Variants in RCBTB2 observed in about 807,000 individuals in gnomAD.
RCBTB2 encodes the protein RCC1 and BTB domain containing protein 2.
A neutral mutation model predicts 65.4 loss-of-function variants in RCBTB2; 55 were observed. That is an observed-to-expected ratio of 0.84 (90% CI 0.68 to 1.05). The LOEUF (loss-of-function observed/expected upper bound fraction) is 1.05. Ranked by LOEUF, RCBTB2 falls within the 50% of genes least tolerant of loss-of-function variation. The probability of loss-of-function intolerance (pLI) is 0.00; values close to 1 mark genes in which losing one functional copy is unlikely to be tolerated. For missense variants in RCBTB2, 599 were observed against 680.1 expected, an observed-to-expected ratio of 0.88 and a Z score of 1.33; for synonymous variants, 220 against 255.2, an observed-to-expected ratio of 0.86 and a Z score of 1.31.
At chr13:48,512,929 C>A in intron 6 of RCBTB2, 34 bp from the exon 7 acceptor site, 1 of 1,565,060 alleles carries the variant, frequency 6.4e-7, no homozygotes, top group Non-Finnish European at 8.8e-7. Context: ...CAGTTTTTTA[C>A]AACATCTACT....
upstream of RCBTB2, chr13:48,535,598 C>A: frequency 2.2e-6 from 1 of 452,434 alleles, no homozygotes; most frequent in Non-Finnish European, 4.5e-6. Context: ...GCTTTTGCCC[C>A]TACCCCTCCA....
chr13:48,497,394 G>A (rs1017357186), intron 13 of RCBTB2, among the ~76,000 whole-genome samples: 36 of 152,282 alleles, frequency 2.4e-4, no homozygotes, highest in African/African-American at 8.2e-4. Context: ...TGGGTGAGGT[G>A]ACATATGTAA....
At chr13:48,526,637 G>A (rs1177219091) in intron 1 of RCBTB2, among the ~76,000 whole-genome samples, 1 of 152,122 alleles carries the variant, frequency 6.6e-6, no homozygotes, top group African/African-American at 2.4e-5. Context: ...AAAATAGCCT[G>A]GGCGCGGTGG....
At chr13:48,533,372 G>C (rs1004689504), upstream of RCBTB2, 1 of 262,144 alleles carries the variant, frequency 3.8e-6, no homozygotes, top group Non-Finnish European at 7.6e-6. Flanking sequence ...CCTTCTCCAG[G>C]GTTATGTTCT....
In RCBTB2 at chr13:48,501,736, C is replaced by T; in HGVS notation, c.1244+6G>A. 1 of 1,607,164 alleles carries T rather than the reference C, an allele frequency of 6.2e-7. No individual in the cohort carries two copies. The highest frequency in any genetic ancestry group is 1.1e-5 in the South Asian group (1 of 90,398). On this transcript the variant is annotated splice_donor_region_variant and intron_variant, in intron 12 of 14. Coordinates refer to ENST00000344532, the MANE Select transcript of RCBTB2 (RefSeq NM_001268.4). ...TTTCTCAATTCTCAAATAAATGATT[C>T]CTTACCGAATCTTGAGAAGGACTTT...
chr13:48,501,968 A>G, intron 11 of RCBTB2, 100 bp from the exon 12 acceptor site: 1 of 957,520 alleles, frequency 1.0e-6, no homozygotes, highest in South Asian at 2.2e-5. Context: ...GAAAGTACCA[A>G]TTCCTCAAAA....
intron 1 of RCBTB2, among the ~76,000 whole-genome samples, chr13:48,526,529 T>C (rs1019234515): frequency 6.6e-6 from 1 of 151,250 alleles, no homozygotes; most frequent in Non-Finnish European, 1.5e-5. Context: ...AGATCTTATC[T>C]CAAAAAATAA....
rs749770514 is a variant in RCBTB2, at chr13:48,496,336, T to C, written c.1385-15A>G. The C allele has an allele frequency of 6.5e-7, 1 of 1,534,590 alleles. No individual in the cohort carries two copies. The highest frequency in any genetic ancestry group is 8.8e-7 in the Non-Finnish European group (1 of 1,140,282). ...GTCTAGCAGTCCTGGCGGAAAGAGGTGTTTATTAGGGGGAGTGATTTCAAG... is the reference window on the plus strand; with the variant it reads ...GTCTAGCAGTCCTGGCGGAAAGAGGCGTTTATTAGGGGGAGTGATTTCAAG... On this transcript the variant is annotated splice_polypyrimidine_tract_variant and intron_variant, in intron 13 of 14. Transcript: ENST00000344532.
At chr13:48,491,299 ATTTT>A (rs1949688753) in intron 14 of RCBTB2, among the ~76,000 whole-genome samples, 1 of 152,114 alleles carries the variant, frequency 6.6e-6, no homozygotes, top group African/African-American at 2.4e-5. Context: ...CCTACGGTAC[ATTTT>A]CTTTTAAGAA....
At chr13:48,504,719 G>A (rs774756001) in intron 10 of RCBTB2, among the ~76,000 whole-genome samples, 2 of 152,192 alleles carry the variant, frequency 1.3e-5, no homozygotes, top group Non-Finnish European at 2.9e-5. Context: ...ACTGACTGAG[G>A]AAGACTCAAC....
rs193247728 is a variant in RCBTB2 at position 48,505,789 on chromosome 13, T to C, written c.927-2875A>G. ...AAAAAAAAGATGAGGGGGAACAGGA[T>C]ACAGGCAGCAATCCTCTCACGGTTT... On this transcript the variant is annotated intron_variant, in intron 10 of 14. Coordinates refer to ENST00000344532, the MANE Select transcript of RCBTB2 (RefSeq NM_001268.4). Among the ~76,000 whole-genome samples the C allele has an allele frequency of 1.4e-4, 22 of 152,286 alleles. No individual in the cohort carries two copies. In the East Asian group the frequency reaches 4.2e-3, roughly 29 times the overall value.
Position 48,501,841 on chromosome 13 carries a change from T to A in RCBTB2, c.1145A>T (p.Glu382Val). Reference protein sequence around the residue: ...VEPDDHLTVAESLKREFDNPD... With the variant: ...VEPDDHLTVAVSLKREFDNPD... Reference sequence around the variant, plus strand: ...GTTGTCAAATTCCCTCTTCAGTGACTCAGCCACTGTGAGGTGGTCATCAGG... The same window carrying A: ...GTTGTCAAATTCCCTCTTCAGTGACACAGCCACTGTGAGGTGGTCATCAGG... The change falls in exon 12 of 15, where the codon GAG becomes GTG. Residue 382 changes from glutamate (E) to valine (V), a missense_variant. By Grantham distance (121) the Glu-to-Val change is moderately radical. Coordinates refer to ENST00000344532, the MANE Select transcript of RCBTB2 (RefSeq NM_001268.4). 1 of 1,614,038 alleles carries A rather than the reference T, an allele frequency of 6.2e-7. No individual in the cohort carries two copies.
intron 6 of RCBTB2, 133 bp downstream of exon 6, chr13:48,515,072 T>C (rs1951007192): frequency 3.8e-6 from 3 of 798,206 alleles, no homozygotes; most frequent in South Asian, 3.6e-5. Flanking sequence ...GGCATTCAGA[T>C]ACATTCATGT....
rs1950110202 is a variant in RCBTB2, at chr13:48,499,132, ACACACACACACT to A, written c.1384+477_1384+488del. Among the ~76,000 whole-genome samples, 3 of 148,076 alleles carry A rather than the reference ACACACACACACT, an allele frequency of 2.0e-5. No individual in the cohort carries two copies. In the South Asian group the frequency reaches 6.4e-4, roughly 31 times the overall value. On this transcript the variant is annotated intron_variant, in intron 13 of 14. Transcript: ENST00000344532. ...CCCCAACACACACACACACACACAC[ACACACACACACT>A]CTCTCTCTCTCTCTCTCTCTCTCTC...
chr13:48,493,325 T>A (rs1452468664), intron 14 of RCBTB2, among the ~76,000 whole-genome samples: 1,739 of 124,974 alleles, frequency 0.014, 66 homozygotes, highest in African/African-American at 0.069. Context: ...ACTCTCTCTC[T>A]CTCTCTCTCT....
chr13:48,513,691 C>T (rs985247765), intron 6 of RCBTB2, among the ~76,000 whole-genome samples: 6 of 152,186 alleles, frequency 3.9e-5, no homozygotes, highest in Non-Finnish European at 8.8e-5. Flanking sequence ...ATAATCCCTG[C>T]AGATTATTTT....
chr13:48,521,859 C>G, intron 4 of RCBTB2, 39 bp downstream of exon 4: 1 of 1,589,530 alleles, frequency 6.3e-7, no homozygotes, highest in Non-Finnish European at 8.6e-7. Flanking sequence ...TTTCATGCAA[C>G]AGAACACACA....
At chr13:48,501,708 A>G in intron 12 of RCBTB2, 34 bp downstream of exon 12, 1 of 1,571,970 alleles carries the variant, frequency 6.4e-7, no homozygotes, top group East Asian at 2.2e-5. Flanking sequence ...TGAACGAATT[A>G]CTTTTCTCAA....
At chr13:48,527,359 ATT>A (rs71960006) in intron 1 of RCBTB2, among the ~76,000 whole-genome samples, 1,944 of 103,868 alleles carry the variant, frequency 0.019, 165 homozygotes, top group African/African-American at 0.16. Context: ...TATGATATAT[ATT>A]TATATATGAT....
Sources: gnomAD v4.1 joint callset for allele counts (sites outside exome capture counted in the v4.1 genomes callset) on GRCh38, gnomAD v4.1.1 for gene constraint, MANE v1.5 for transcripts, NCBI Gene and HGNC (gene_info 2026-07-23, HGNC 2026-07-21) for gene names.